The following DBF4 variants were observed in gnomAD, a reference collection of about 807,000 sequenced individuals.
DBF4 encodes protein DBF4 homolog A.
A neutral mutation model predicts 76.6 loss-of-function variants in DBF4; 25 were observed. That is an observed-to-expected ratio of 0.33 (90% confidence interval 0.24 to 0.46). The LOEUF (loss-of-function observed/expected upper bound fraction) is 0.46. DBF4 is among the 20% of genes least tolerant of loss of function. The pLI is 1.00. For synonymous variants in DBF4, 213 were observed against 258.0 expected (o/e 0.83, Z 1.67); for missense variants, 638 against 760.8 (o/e 0.84, Z 1.90).
chr7:87,893,316 G>A (rs1015464446), intron 6 of DBF4, among the ~76,000 whole-genome samples: 4 of 150,484 alleles, frequency 2.7e-5, no homozygotes, highest in Non-Finnish European at 5.9e-5. Context: ...CGCAATCTCG[G>A]CTCACTGCAA....
chr7:87,893,488 A>G (rs939267373), intron 6 of DBF4, among the ~76,000 whole-genome samples: 1 of 147,724 alleles, frequency 6.8e-6, no homozygotes, highest in Non-Finnish European at 1.5e-5. Context: ...CTCATGATCC[A>G]CCCGCCTCGG....
chr7:87,904,154 T>TA (rs1488189241), intron 10 of DBF4, 138 bp from the exon 11 acceptor site: 1 of 781,718 alleles, frequency 1.3e-6, no homozygotes, highest in Non-Finnish European at 1.9e-6. Flanking sequence ...TTTTGAAGTC[T>TA]AGTAAAGGGT....
chr7:87,904,427 T>G lies in DBF4; in HGVS notation c.1049+11T>G. 2 of 1,609,726 alleles carry G rather than the reference T, an allele frequency of 1.2e-6. No homozygotes were observed. Among genetic ancestry groups the G allele is most frequent in the Non-Finnish European group, 1.7e-6 (2 of 1,177,662 alleles). ...ACCTAAAAAGAAAAGGTAATTAGTTTTATCAACCTAAGTTTTAAATTCTAC... is the reference window on the plus strand; with the variant it reads ...ACCTAAAAAGAAAAGGTAATTAGTTGTATCAACCTAAGTTTTAAATTCTAC... On this transcript the variant is annotated intron_variant, in intron 11 of 11. Transcript: ENST00000265728.
At chr7:87,901,574 T>C (rs1179654092) in intron 10 of DBF4, among the ~76,000 whole-genome samples, 1 of 152,162 alleles carries the variant, frequency 6.6e-6, no homozygotes, top group Non-Finnish European at 1.5e-5. Flanking sequence ...TTATTTATAA[T>C]GGGAAGAGAA....
rs910746290 is a variant in DBF4, at chr7:87,889,290, T to C, written c.597+1231T>C. On this transcript the variant is annotated intron_variant, in intron 6 of 11. Coordinates refer to ENST00000265728, the MANE Select transcript of DBF4 (RefSeq NM_006716.4). Reference sequence around the variant, plus strand: ...AACTCTTGAACAATTTTTTTTTTTTTTTTTTGAGGCAGGCCCTCCCCCTCT... The same window carrying C: ...AACTCTTGAACAATTTTTTTTTTTTCTTTTTGAGGCAGGCCCTCCCCCTCT... Among the ~76,000 whole-genome samples, 4 of 151,936 alleles carry C rather than the reference T, an allele frequency of 2.6e-5. No individual in the cohort carries two copies. The East Asian group carries it at 7.7e-4, about 29-fold the overall frequency.
At chr7:87,877,789 G>A (rs1303775398) in intron 1 of DBF4, among the ~76,000 whole-genome samples, 1 of 152,150 alleles carries the variant, frequency 6.6e-6, no homozygotes, top group Non-Finnish European at 1.5e-5. Flanking sequence ...TTTCAAAAGA[G>A]TTTTATATAG....
chr7:87,887,109 C>T (rs111946379), intron 4 of DBF4, among the ~76,000 whole-genome samples: 8 of 152,072 alleles, frequency 5.3e-5, no homozygotes, highest in African/African-American at 1.9e-4. Context: ...TTAAAACTTG[C>T]CTTATAGTTT....
chr7:87,907,584 T>C lies in DBF4; in HGVS notation c.1446T>C (p.Tyr482=). ...NDLEELRVDH[Y]KCNIQASVHV... ...TAGAAGAACTAAGGGTAGATCACTATAAATGTAACATACAGGCATCTGTAC... is the reference window on the plus strand; with the variant it reads ...TAGAAGAACTAAGGGTAGATCACTACAAATGTAACATACAGGCATCTGTAC... The change falls in exon 12 of 12, where the codon TAT becomes TAC. Residue 482 remains tyrosine, a synonymous_variant. Transcript: ENST00000265728. The C allele has an allele frequency of 3.7e-6, 6 of 1,614,136 alleles. No homozygotes were observed. Among genetic ancestry groups the C allele is most frequent in the Non-Finnish European group, 5.1e-6 (6 of 1,179,968 alleles).
At chr7:87,893,728 C>A (rs1275032426) in intron 6 of DBF4, among the ~76,000 whole-genome samples, 4 of 152,160 alleles carry the variant, frequency 2.6e-5, no homozygotes, top group Non-Finnish European at 5.9e-5. Flanking sequence ...TTAAAATGGA[C>A]TTCTTGCAGA....
At chr7:87,898,408 C>T (rs1280259039) in intron 8 of DBF4, among the ~76,000 whole-genome samples, 1 of 152,094 alleles carries the variant, frequency 6.6e-6, no homozygotes, top group African/African-American at 2.4e-5. Flanking sequence ...ATCAAAATCC[C>T]AATGATGTTT....
rs1361092356 is a variant in DBF4 at position 87,909,165 on chromosome 7, T to C, written c.*1002T>C. On this transcript the variant is annotated 3_prime_UTR_variant, in exon 12 of 12. Coordinates refer to ENST00000265728, the MANE Select transcript of DBF4 (RefSeq NM_006716.4). ...GAATTATAGATACAGTTTTGGGATA[T>C]ATACAAGGATTGCCTTGATCTGGCA... is the stretch of plus-strand genomic sequence containing the variant. 1 of 152,178 alleles carries C rather than the reference T, an allele frequency of 6.6e-6. No homozygotes were observed. The highest frequency in any genetic ancestry group is 1.5e-5 in the Non-Finnish European group (1 of 68,032). 9.4% of individuals were successfully genotyped at this position (152,178 alleles called of 1,614,324 possible).
chr7:87,905,703 T>G (rs930934785), intron 11 of DBF4, among the ~76,000 whole-genome samples: 2 of 152,216 alleles, frequency 1.3e-5, no homozygotes, highest in Non-Finnish European at 2.9e-5. Context: ...TAAAGAAGAT[T>G]AGAAATGTGA....
Position 87,900,602 on chromosome 7 carries a change from GT to G in DBF4, c.810-159del, listed in dbSNP as rs1839753557. ...CTCCAGAATATTCATTAAATCTTTA[GT>G]TTGCTTCTCAATATAGTATAAAGAA... is the stretch of plus-strand genomic sequence containing the variant. On this transcript the variant is annotated intron_variant, in intron 9 of 11. Transcript: ENST00000265728. Among the ~76,000 whole-genome samples the G allele has an allele frequency of 1.4e-4, 21 of 151,934 alleles. No individual in the cohort carries two copies. The South Asian group carries it at 4.4e-3, about 32-fold the overall frequency.
At chr7:87,895,501 A>C (rs865811738) in intron 6 of DBF4, among the ~76,000 whole-genome samples, 3 of 151,432 alleles carry the variant, frequency 2.0e-5, no homozygotes, top group Non-Finnish European at 2.9e-5. Flanking sequence ...CCATTGTTTT[A>C]GCGGACAGTC....
chr7:87,892,943 T>C (rs1277005315), intron 6 of DBF4, among the ~76,000 whole-genome samples: 1 of 152,212 alleles, frequency 6.6e-6, no homozygotes, highest in Non-Finnish European at 1.5e-5. Context: ...TTACCCAAAA[T>C]ATAGTCTATC....
In DBF4 at chr7:87,876,647, T is replaced by C; in HGVS notation, c.-86T>C. The C allele has an allele frequency of 3.3e-6, 5 of 1,498,010 alleles. No individual in the cohort carries two copies. The highest frequency in any genetic ancestry group is 4.6e-6 in the Non-Finnish European group (5 of 1,089,836). 92.8% of individuals were successfully genotyped at this position (1,498,010 alleles called of 1,614,324 possible). A position where few individuals can be genotyped will look rare whatever the true frequency, so the allele number is the denominator to read the frequency against. ...CGGAAGGAGAGAGGCGGCCGTCCTG[T>C]CAACAGGCCGGGGGAAGCCGTGCTT... On this transcript the variant is annotated 5_prime_UTR_variant, in exon 1 of 12. Coordinates refer to ENST00000265728, the MANE Select transcript of DBF4 (RefSeq NM_006716.4).
chr7:87,883,833 T>C (rs1309818373), intron 2 of DBF4, among the ~76,000 whole-genome samples: 2 of 152,222 alleles, frequency 1.3e-5, no homozygotes, highest in Non-Finnish European at 2.9e-5. Flanking sequence ...ATGTAAATTG[T>C]TACTGCTTAT....
intron 11 of DBF4, among the ~76,000 whole-genome samples, chr7:87,906,856 C>A (rs1839925864): frequency 1.3e-5 from 2 of 152,052 alleles, no homozygotes; most frequent in South Asian, 4.1e-4. Context: ...AGGCTCAAAT[C>A]CCTTTACTAT....
chr7:87,904,463 G>A (rs747002648), intron 11 of DBF4, 47 bp downstream of exon 11: 1 of 1,565,650 alleles, frequency 6.4e-7, no homozygotes, highest in South Asian at 1.1e-5. Flanking sequence ...TAGGCGGCCA[G>A]GGGTGGTGGC....
Sources: allele counts gnomAD v4.1 joint callset (sites outside exome capture counted in the v4.1 genomes callset), GRCh38; gene constraint gnomAD v4.1.1; transcripts MANE v1.5; gene names NCBI Gene and HGNC (gene_info 2026-07-23, HGNC 2026-07-21).